The following PTPRT variants were observed in gnomAD, a reference collection of about 807,000 sequenced individuals.
PTPRT encodes the protein receptor-type tyrosine-protein phosphatase T.
Under a neutral mutation model 176.8 loss-of-function variants are expected in PTPRT, and 56 were observed. The ratio of observed to expected loss-of-function variants is 0.32; its 90% CI spans 0.26 to 0.40. The LOEUF is 0.40. Among genes scored for constraint, PTPRT ranks in the 10% least tolerant of loss-of-function variants. The probability of loss-of-function intolerance (pLI) is 1.00; values close to 1 mark genes in which losing one functional copy is unlikely to be tolerated. For missense variants in PTPRT, 1,540 were observed against 1,908.2 expected, an observed-to-expected ratio of 0.81 and a Z score of 3.60; for synonymous variants, 783 against 739.0, an observed-to-expected ratio of 1.06 and a Z score of -0.96.
At chr20:42,133,437 GA>G (rs1568958983) in intron 18 of PTPRT, among the ~76,000 whole-genome samples, 2 of 152,178 alleles carry the variant, frequency 1.3e-5, no homozygotes, top group African/African-American at 2.4e-5. Flanking sequence ...AAGCCAATCT[GA>G]AAAGGCTACA....
intron 5 of PTPRT, among the ~76,000 whole-genome samples, chr20:42,759,099 C>T (rs1371889179): frequency 6.6e-6 from 1 of 152,104 alleles, no homozygotes; most frequent in Admixed American, 6.5e-5. Context: ...AATAGGAGGG[C>T]CTTGGAAGCA....
chr20:42,533,449 C>CAATT (rs1360098919), intron 7 of PTPRT, among the ~76,000 whole-genome samples: 2 of 152,160 alleles, frequency 1.3e-5, no homozygotes, highest in African/African-American at 4.8e-5. Context: ...TTCAGTCAAT[C>CAATT]AATTACCTGG....
At chr20:42,923,810 T>C (rs891511004) in intron 1 of PTPRT, among the ~76,000 whole-genome samples, 2 of 152,054 alleles carry the variant, frequency 1.3e-5, no homozygotes, top group Non-Finnish European at 2.9e-5. Context: ...CAATACCCTA[T>C]CCACTTCAAG....
rs563707498 is a variant in PTPRT, at chr20:43,112,468, G to A, written c.88+77178C>T. 1.2e-4 allele frequency among the ~76,000 whole-genome samples: 18 copies of A among 152,184 alleles called. No individual in the cohort carries two copies. The East Asian group carries it at 1.3e-3, about 11-fold the overall frequency. ...TCCATTCTATTCTGTTGCATGTTAC[G>A]TAATATAAAGGGCATCTAAGGGTCA... On this transcript the variant is annotated intron_variant, in intron 1 of 30. Coordinates refer to ENST00000373187, the MANE Select transcript of PTPRT (RefSeq NM_007050.6).
intron 9 of PTPRT, among the ~76,000 whole-genome samples, chr20:42,370,691 T>C (rs1008911703): frequency 6.6e-6 from 1 of 152,220 alleles, no homozygotes; most frequent in Non-Finnish European, 1.5e-5. Context: ...TAACAGTGCC[T>C]GGACATAATA....
chr20:42,874,373 C>G (rs919293625), intron 2 of PTPRT, among the ~76,000 whole-genome samples: 1 of 152,126 alleles, frequency 6.6e-6, no homozygotes, highest in African/African-American at 2.4e-5. Flanking sequence ...AACAAACTGA[C>G]AGGATCAACC....
chr20:42,866,998 TA>T (rs1392738458), intron 2 of PTPRT, among the ~76,000 whole-genome samples: 2 of 152,228 alleles, frequency 1.3e-5, no homozygotes, highest in African/African-American at 4.8e-5. Flanking sequence ...TACCTGATAC[TA>T]ATGTCATCAC....
intron 1 of PTPRT, among the ~76,000 whole-genome samples, chr20:43,117,184 G>A (rs1568794920): frequency 6.6e-6 from 1 of 152,132 alleles, no homozygotes; most frequent in Non-Finnish European, 1.5e-5. Flanking sequence ...CAAGTCACGT[G>A]CTTGACAGCA....
chr20:42,505,551 C>G (rs2071829693), intron 7 of PTPRT, among the ~76,000 whole-genome samples: 1 of 152,146 alleles, frequency 6.6e-6, no homozygotes, highest in Admixed American at 6.5e-5. Context: ...ATCCACCTGC[C>G]TTGGCCTCCC....
At chr20:42,642,667 A>G (rs2145936174) in intron 7 of PTPRT, among the ~76,000 whole-genome samples, 1 of 152,256 alleles carries the variant, frequency 6.6e-6, no homozygotes, top group Middle Eastern at 3.4e-3. Context: ...TACACTCTTT[A>G]ATACCAATAA....
At chr20:42,269,148 C>T (rs943557847) in intron 13 of PTPRT, among the ~76,000 whole-genome samples, 55 of 152,226 alleles carry the variant, frequency 3.6e-4, no homozygotes, top group African/African-American at 1.3e-3. Flanking sequence ...TTGTTCTCTG[C>T]CATATCTCAT....
chr20:42,153,017 TCTC>T (rs2146466255), intron 17 of PTPRT, among the ~76,000 whole-genome samples: 1 of 152,302 alleles, frequency 6.6e-6, no homozygotes, highest in South Asian at 2.1e-4. Context: ...TACACAACCT[TCTC>T]CTCTACCCAT....
intron 7 of PTPRT, among the ~76,000 whole-genome samples, chr20:42,500,341 G>A (rs1034518667): frequency 6.6e-6 from 1 of 151,690 alleles, no homozygotes; most frequent in African/African-American, 2.4e-5. Flanking sequence ...CATCAGCAAG[G>A]TAAATGCTAT....
At chr20:42,473,382 T>A (rs1465018412) in intron 7 of PTPRT, among the ~76,000 whole-genome samples, 6 of 152,126 alleles carry the variant, frequency 3.9e-5, no homozygotes, top group Non-Finnish European at 7.4e-5. Flanking sequence ...ATTTTTTTAA[T>A]ATAAAACAGG....
At chr20:42,969,892 G>A (rs1005012545) in intron 1 of PTPRT, among the ~76,000 whole-genome samples, 1 of 152,018 alleles carries the variant, frequency 6.6e-6, no homozygotes, top group Non-Finnish European at 1.5e-5. Flanking sequence ...ATCTAAATCC[G>A]AGCACATTTG....
At chr20:42,767,691 TTAA>T (rs1363818949) in intron 5 of PTPRT, among the ~76,000 whole-genome samples, 1 of 146,796 alleles carries the variant, frequency 6.8e-6, no homozygotes, top group Non-Finnish European at 1.5e-5. Flanking sequence ...CTTAATATAT[TTAA>T]TAAATTTTTA....
At chr20:42,663,782 G>A (rs753638864) in intron 7 of PTPRT, among the ~76,000 whole-genome samples, 2 of 152,096 alleles carry the variant, frequency 1.3e-5, no homozygotes, top group African/African-American at 4.8e-5. Context: ...CATGCCATTA[G>A]ATACATATAC....
chr20:42,300,673 A>G (rs1346882997), intron 12 of PTPRT, among the ~76,000 whole-genome samples: 3 of 151,748 alleles, frequency 2.0e-5, no homozygotes, highest in Non-Finnish European at 4.4e-5. Context: ...AGGAGAACTC[A>G]TCCTCGGAAT....
intron 9 of PTPRT, among the ~76,000 whole-genome samples, chr20:42,387,126 C>G (rs1356680914): frequency 2.0e-5 from 3 of 152,150 alleles, no homozygotes; most frequent in African/African-American, 7.2e-5. Flanking sequence ...TGACTTTATA[C>G]CAAGCCTGGT....
Sources: gnomAD v4.1 joint callset for allele counts (sites outside exome capture counted in the v4.1 genomes callset) on GRCh38, gnomAD v4.1.1 for gene constraint, MANE v1.5 for transcripts, NCBI Gene and HGNC (gene_info 2026-07-23, HGNC 2026-07-21) for gene names.